Variants in ZNF546 observed in about 807,000 individuals in gnomAD.
The protein encoded by ZNF546 is zinc finger protein 546.
In ZNF546, 60 loss-of-function variants were observed where a neutral mutation model predicts 76.2. The ratio of observed to expected loss-of-function variants is 0.79; its 90% CI spans 0.64 to 0.98. The LOEUF (loss-of-function observed/expected upper bound fraction) is 0.98, where lower values mean the gene tolerates loss of function less well. Ranked by LOEUF, ZNF546 falls within the 50% of genes least tolerant of loss-of-function variation. The pLI, the probability that ZNF546 is intolerant of heterozygous loss-of-function variation, is 0.00. For missense variants in ZNF546, 936 were observed against 1,035.6 expected (o/e 0.90, Z 1.32); for synonymous variants, 277 against 328.1 (o/e 0.84, Z 1.68).
chr19:39,999,766 G>A (rs908649405), intron 3 of ZNF546: 4 of 150,738 alleles, frequency 2.7e-5, no homozygotes, highest in African/African-American at 1.0e-4. Flanking sequence ...TAATAGAGAT[G>A]GGGTTTCGCC....
chr19:40,015,771 G>C lies in ZNF546; in HGVS notation c.2501G>C (p.Cys834Ser). 1 of 1,612,606 alleles carries C rather than the reference G, an allele frequency of 6.2e-7. No individual in the cohort carries two copies. Among genetic ancestry groups the C allele is most frequent in the Non-Finnish European group, 8.5e-7 (1 of 1,179,154 alleles). The change falls in exon 7 of 7, where the codon TGC becomes TCC. Residue 834 changes from cysteine to serine, a missense_variant. Cys to Ser is a moderately radical substitution (Grantham distance 112). Transcript: ENST00000347077. ...AATCATATTAGTGAGGAAGTCCTAT[G>C]CATAATGTAAAGAGAATACGATGGC... Reference protein sequence around the residue: ...QRNHISEEVLCIM With the variant: ...QRNHISEEVLSIM
At chr19:40,003,787 A>C (rs913655688) in intron 3 of ZNF546, among the ~76,000 whole-genome samples, 1 of 152,008 alleles carries the variant, frequency 6.6e-6, no homozygotes, top group African/African-American at 2.4e-5. Context: ...TGAAGAGGGC[A>C]GATCACCTGA....
In ZNF546 at chr19:40,014,629, A is replaced by G. The variant is rs1449211629; in HGVS notation, c.1359A>G (p.Gln453=). 4 of 1,612,762 alleles carry G rather than the reference A, an allele frequency of 2.5e-6. No individual in the cohort carries two copies. The highest frequency in any genetic ancestry group is 3.4e-6 in the Non-Finnish European group (4 of 1,179,510). The change falls in exon 7 of 7, where the codon CAA becomes CAG. Residue 453 remains glutamine (Q), a synonymous_variant. Transcript: ENST00000347077. The stretch of plus-strand genomic sequence containing the variant: ...AATGTGGAAAAGCCTTTCGTCTTCA[A>G]ACGGAACTTACTCGGCATCATAGAA... ...CRECGKAFRL[Q]TELTRHHRTH... is the part of the protein sequence containing the mutation.
At position 40,015,577 on chromosome 19, in the gene ZNF546, A is replaced by AG. The variant is rs749314668; in HGVS notation, c.2308dup (p.Val770GlyfsTer5). 1 of 1,614,136 alleles carries AG rather than the reference A, an allele frequency of 6.2e-7. No individual in the cohort carries two copies. Among genetic ancestry groups the AG allele is most frequent in the South Asian group, 1.1e-5 (1 of 91,058 alleles). ...AAGCAGAACTTACTCGACATCACAT[A>AG]GTTCACACGGGTGAGAAACCCTATA... On this transcript the variant is annotated frameshift_variant, in exon 7 of 7. Transcript: ENST00000347077. LOFTEE classifies it high-confidence loss of function.
chr19:40,006,610 T>G (rs1445011350), intron 4 of ZNF546, among the ~76,000 whole-genome samples: 2 of 152,224 alleles, frequency 1.3e-5, no homozygotes, highest in Non-Finnish European at 2.9e-5. Context: ...CAGCATCCTC[T>G]GGCTTAGGAA....
At position 40,015,762 on chromosome 19, in the gene ZNF546, A is replaced by G. The variant is rs199507892; in HGVS notation, c.2492A>G (p.Glu831Gly). 3.7e-5 allele frequency: 60 copies of G among 1,612,444 alleles called. No homozygotes were observed. Among genetic ancestry groups the G allele is most frequent in the Non-Finnish European group, 2.5e-5 (29 of 1,178,926 alleles). The change falls in exon 7 of 7, where the codon GAA becomes GGA. Residue 831 changes from glutamate to glycine, a missense_variant. Glu to Gly is a moderately conservative substitution (Grantham distance 98). Coordinates refer to ENST00000347077, the MANE Select transcript of ZNF546 (RefSeq NM_178544.5). Reference sequence around the variant, plus strand: ...CATCAGAGAAATCATATTAGTGAGGAAGTCCTATGCATAATGTAAAGAGAA... The same window carrying G: ...CATCAGAGAAATCATATTAGTGAGGGAGTCCTATGCATAATGTAAAGAGAA... ...TLHQRNHISE[E>G]VLCIM
chr19:40,008,364 C>T (rs1599741869), intron 5 of ZNF546, 106 bp from the exon 6 acceptor site: 2 of 749,654 alleles, frequency 2.7e-6, no homozygotes, highest in Non-Finnish European at 4.3e-6. Flanking sequence ...GTACCATTTT[C>T]ACCTGCAGTT....
At position 39,998,393 on chromosome 19, in the gene ZNF546, C is replaced by T; in HGVS notation, c.67C>T (p.His23Tyr). Residue 23 changes from histidine to tyrosine, a missense_variant, in exon 3 of 7, where the codon CAC (histidine) becomes TAC (tyrosine). His to Tyr is a moderately conservative substitution (Grantham distance 83). Coordinates refer to ENST00000347077, the MANE Select transcript of ZNF546 (RefSeq NM_178544.5). ...DFLIFQIIPL[H>Y]SLSIMPRFLW... ...TCTCATTTTTCAAATCATTCCTCTG[C>T]ACTCACTTTCTATAATGGTAGAGAA... 2 of 1,613,950 alleles carry T rather than the reference C, an allele frequency of 1.2e-6. No individual in the cohort carries two copies. Among genetic ancestry groups the T allele is most frequent in the Non-Finnish European group, 1.7e-6 (2 of 1,179,796 alleles).
rs778409512 is a variant in ZNF546, at chr19:40,007,308, T to C, written c.206T>C (p.Leu69Pro). The change falls in exon 5 of 7, where the codon CTC becomes CCC. Residue 69 changes from leucine to proline, a missense_variant. By Grantham distance (98) the Leu-to-Pro change is moderately conservative (BLOSUM62 -3). Transcript: ENST00000347077. ...SLAFRDVSID[L>P]SQEEWECLDA... ...GCATTTAGGGATGTGTCCATAGACCTCTCCCAAGAGGAGTGGGAGTGCCTG... is the reference window on the plus strand; with the variant it reads ...GCATTTAGGGATGTGTCCATAGACCCCTCCCAAGAGGAGTGGGAGTGCCTG... 6.2e-7 allele frequency: 1 copy of C among 1,602,274 alleles called. No individual in the cohort carries two copies. Among genetic ancestry groups the C allele is most frequent in the South Asian group, 1.1e-5 (1 of 89,300 alleles).
chr19:40,013,902 A>G lies in ZNF546; in HGVS notation c.632A>G (p.His211Arg), dbSNP rs1361182323. The change falls in exon 7 of 7, where the codon CAT becomes CGT. Residue 211 changes from histidine to arginine, a missense_variant. Transcript: ENST00000347077. ...TCTCATCCTCTACATCCAAAAATTC[A>G]TGCTAGAGAGAAATCATATGAATGT... ...QISHPLHPKI[H>R]AREKSYECKE... 6.2e-7 allele frequency: 1 copy of G among 1,607,832 alleles called. No individual in the cohort carries two copies. The highest frequency in any genetic ancestry group is 1.1e-5 in the South Asian group (1 of 90,140).
intron 3 of ZNF546, among the ~76,000 whole-genome samples, chr19:40,000,487 G>A (rs568515948): frequency 1.3e-5 from 2 of 151,900 alleles, no homozygotes; most frequent in Admixed American, 6.5e-5. Context: ...GCCGGCTGTG[G>A]TGGCATGCGC....
In ZNF546 at chr19:40,014,680, A is replaced by C. The variant is rs1971729998; in HGVS notation, c.1410A>C (p.Glu470Asp). The change falls in exon 7 of 7, where the codon GAA (glutamate) becomes GAC (aspartate). Residue 470 changes from glutamate (E) to aspartate (D), a missense_variant. Physicochemically the swap from Glu to Asp is conservative, Grantham distance 45. Transcript: ENST00000347077. ...CTCATACTGGTGAGAAACCCTATGA[A>C]TGTAAGGAATGTGGGAAGGCCTTTA... Reference protein sequence around the residue: ...HRTHTGEKPYECKECGKAFIC... With the variant: ...HRTHTGEKPYDCKECGKAFIC... 6.2e-7 allele frequency: 1 copy of C among 1,613,894 alleles called. No homozygotes were observed. The highest frequency in any genetic ancestry group is 1.3e-5 in the African/African-American group (1 of 74,868).
chr19:39,997,572 G>T (rs1055619987), intron 1 of ZNF546, among the ~76,000 whole-genome samples: 3 of 152,242 alleles, frequency 2.0e-5, no homozygotes, highest in South Asian at 4.1e-4. Flanking sequence ...TGAATTAGAA[G>T]TGTCCCTAAA....
rs200378789 is a variant in ZNF546, at chr19:40,006,085, C to T, written c.85-11C>T. ...ACATCTGGTCTCAGAGTCACTTGTT[C>T]TTCCCCCCAGCCCCGGTTTCTCTGG... is the stretch of plus-strand genomic sequence containing the variant. On this transcript the variant is annotated splice_polypyrimidine_tract_variant and intron_variant, in intron 3 of 6. Transcript: ENST00000347077. 5.0e-6 allele frequency: 8 copies of T among 1,613,202 alleles called. No homozygotes were observed. In the African/African-American group the frequency reaches 1.1e-4, roughly 22 times the overall value.
chr19:39,998,357 C>G lies in ZNF546; in HGVS notation c.31C>G (p.Pro11Ala), dbSNP rs746309470. 11 of 1,614,058 alleles carry G rather than the reference C, an allele frequency of 6.8e-6. No homozygotes were observed. Among genetic ancestry groups the G allele is most frequent in the Admixed American group, 5.0e-5 (3 of 60,004 alleles). The change falls in exon 3 of 7, where the codon CCA becomes GCA. Residue 11 changes from proline (P) to alanine (A), a missense_variant. Coordinates refer to ENST00000347077, the MANE Select transcript of ZNF546 (RefSeq NM_178544.5). MQVDPPLHGPPNDFLIFQIIP... is the reference protein window; with the variant it reads MQVDPPLHGPANDFLIFQIIP... ...GGTGGACCCTCCTCTTCACGGGCCT[C>G]CAAATGACTTTCTCATTTTTCAAAT...
intron 3 of ZNF546, among the ~76,000 whole-genome samples, chr19:40,003,504 C>T (rs1971557261): frequency 6.6e-6 from 1 of 152,122 alleles, no homozygotes. Flanking sequence ...GATTATTCAG[C>T]AGCAGTTTGG....
At chr19:40,004,777 T>G (rs1411804286) in intron 3 of ZNF546, among the ~76,000 whole-genome samples, 1 of 152,142 alleles carries the variant, frequency 6.6e-6, no homozygotes, top group Non-Finnish European at 1.5e-5. Flanking sequence ...GGTTTTAACC[T>G]TATTTTTTAA....
chr19:40,001,982 A>G (rs1971536770), intron 3 of ZNF546, among the ~76,000 whole-genome samples: 1 of 152,190 alleles, frequency 6.6e-6, no homozygotes, highest in Non-Finnish European at 1.5e-5. Context: ...TTTTATCCCT[A>G]ATTTACCAAC....
intron 5 of ZNF546, among the ~76,000 whole-genome samples, chr19:40,007,990 A>G (rs943183899): frequency 6.6e-6 from 1 of 152,248 alleles, no homozygotes; most frequent in African/African-American, 2.4e-5. Context: ...CTAGGAAAAT[A>G]GTACCAACAA....
Sources: gnomAD v4.1 joint callset for allele counts (sites outside exome capture counted in the v4.1 genomes callset) on GRCh38, gnomAD v4.1.1 for gene constraint, MANE v1.5 for transcripts, NCBI Gene and HGNC (gene_info 2026-07-23, HGNC 2026-07-21) for gene names.